LGR6: variants seen among roughly 807,000 people sequenced by gnomAD.
LGR6 encodes leucine-rich repeat-containing G protein-coupled receptor 6.
In LGR6, 45 loss-of-function variants were observed where a neutral mutation model predicts 69.4. That is an observed-to-expected ratio of 0.65 (90% CI 0.51 to 0.83). The LOEUF (loss-of-function observed/expected upper bound fraction) is 0.83. Among genes scored for constraint, LGR6 ranks in the 40% least tolerant of loss-of-function variants. LGR6 has a pLI of 0.00. For synonymous variants in LGR6, 538 were observed against 555.0 expected (o/e 0.97, Z 0.43); for missense variants, 1,108 against 1,246.7 (o/e 0.89, Z 1.68).
chr1:202,216,804 GGAAGGAGCCATT>G (rs1438529815), intron 1 of LGR6, among the ~76,000 whole-genome samples: 1 of 152,188 alleles, frequency 6.6e-6, no homozygotes, highest in East Asian at 1.9e-4. Flanking sequence ...TTGGCAAGGA[GGAAGGAGCCATT>G]GAAGGAGAAG....
chr1:202,261,245 C>G (rs747574079), intron 4 of LGR6, among the ~76,000 whole-genome samples: 12 of 132,412 alleles, frequency 9.1e-5, no homozygotes, highest in Non-Finnish European at 1.9e-4. Context: ...CCCCCCACCC[C>G]ACAACAGTCC....
At chr1:202,296,266 C>T (rs752477901) in intron 6 of LGR6, among the ~76,000 whole-genome samples, 37 of 152,056 alleles carry the variant, frequency 2.4e-4, no homozygotes, top group Non-Finnish European at 4.4e-4. Context: ...ACCCCAGGAC[C>T]CCAGAAACAG....
At chr1:202,303,144 T>G in intron 9 of LGR6, 135 bp from the exon 10 acceptor site, 1 of 720,456 alleles carries the variant, frequency 1.4e-6, no homozygotes, top group Non-Finnish European at 2.5e-6. Context: ...GTGGCTGACT[T>G]GAGGAAGATT....
intron 5 of LGR6, among the ~76,000 whole-genome samples, chr1:202,278,596 C>G (rs923759641): frequency 6.6e-6 from 1 of 152,054 alleles, no homozygotes; most frequent in Non-Finnish European, 1.5e-5. Context: ...AGAGAGGCTT[C>G]TAGCAGGAGG....
At chr1:202,242,898 G>C (rs546148017) in intron 4 of LGR6, among the ~76,000 whole-genome samples, 11 of 152,200 alleles carry the variant, frequency 7.2e-5, no homozygotes, top group Non-Finnish European at 1.2e-4. Context: ...CACTTGGCTA[G>C]CACTTTCCAT....
chr1:202,297,140 TATAAG>T (rs1318932530), intron 6 of LGR6, among the ~76,000 whole-genome samples: 4 of 152,172 alleles, frequency 2.6e-5, no homozygotes, highest in Non-Finnish European at 5.9e-5. Flanking sequence ...TAGTGCTGGT[TATAAG>T]ATGTTAACGA....
rs907967507 is a variant in LGR6 at position 202,193,829 on chromosome 1, A to ACCGTC, written c.-157_-153dup. 9 of 314,114 alleles carry ACCGTC rather than the reference A, an allele frequency of 2.9e-5. No homozygotes were observed. Among genetic ancestry groups the ACCGTC allele is most frequent in the Non-Finnish European group, 5.1e-5 (9 of 175,644 alleles). 19.5% of individuals were successfully genotyped at this position (314,114 alleles called of 1,614,324 possible). A position where few individuals can be genotyped will look rare whatever the true frequency, so the allele number is the denominator to read the frequency against. ...ACAATGCCTGCCCCTCTCTGACTGC[A>ACCGTC]CCGTCCCGGCGCTCCCACCGCCGCC... On this transcript the variant is annotated 5_prime_UTR_variant, in exon 1 of 18. Transcript: ENST00000367278.
At position 202,202,887 on chromosome 1, in the gene LGR6, C is replaced by T. The variant is rs140945899; in HGVS notation, c.212+8686C>T. ...GTGCTGGAGGAGGTGGGAGTGTCCCCGAGAGTGTCCAGACTGCATAAGGTG... is the reference window on the plus strand; with the variant it reads ...GTGCTGGAGGAGGTGGGAGTGTCCCTGAGAGTGTCCAGACTGCATAAGGTG... On this transcript the variant is annotated intron_variant, in intron 1 of 17. Coordinates refer to ENST00000367278, the MANE Select transcript of LGR6 (RefSeq NM_001017403.2). Among the ~76,000 whole-genome samples, 387 of 152,256 alleles carry T rather than the reference C, an allele frequency of 2.5e-3. 2 individuals are homozygous for T. The highest frequency in any genetic ancestry group is 7.8e-3 in the African/African-American group (324 of 41,562).
At chr1:202,251,942 G>A (rs1663290376) in intron 4 of LGR6, among the ~76,000 whole-genome samples, 1 of 152,044 alleles carries the variant, frequency 6.6e-6, no homozygotes, top group Non-Finnish European at 1.5e-5. Flanking sequence ...GGGGATGAGG[G>A]GGAGATTGGA....
chr1:202,240,375 GAAAA>G (rs1238580002), intron 4 of LGR6, among the ~76,000 whole-genome samples: 1 of 105,202 alleles, frequency 9.5e-6, no homozygotes, highest in East Asian at 3.1e-4. Context: ...CTCCATCTCA[GAAAA>G]AAAAAAAAAA....
At chr1:202,305,033 G>A (rs954204983) in intron 11 of LGR6, among the ~76,000 whole-genome samples, 6 of 152,134 alleles carry the variant, frequency 3.9e-5, no homozygotes, top group African/African-American at 1.2e-4. Context: ...GTCAAGGGGA[G>A]TTTTCCTCTC....
chr1:202,310,112 TG>T (rs1357947869), intron 15 of LGR6, 84 bp from the exon 16 acceptor site: 1 of 1,405,228 alleles, frequency 7.1e-7, no homozygotes, highest in African/African-American at 1.4e-5. Flanking sequence ...GCCCAGCCCC[TG>T]GGTTGCAGAT....
At chr1:202,221,105 C>T (rs1660125517) in intron 1 of LGR6, among the ~76,000 whole-genome samples, 2 of 152,032 alleles carry the variant, frequency 1.3e-5, no homozygotes, top group African/African-American at 2.4e-5. Context: ...TTTTCTCCAG[C>T]GGGGCAGGTG....
chr1:202,314,786 T>C lies in LGR6; in HGVS notation c.1568-16T>C, dbSNP rs376349999. ...CCAAGACCCAGGACCCTGCATCACTTTGTCTCTCCTTTCAGATGACCAGGA... is the reference window on the plus strand; with the variant it reads ...CCAAGACCCAGGACCCTGCATCACTCTGTCTCTCCTTTCAGATGACCAGGA... On this transcript the variant is annotated splice_polypyrimidine_tract_variant and intron_variant, in intron 16 of 17. Transcript: ENST00000367278. 31 of 1,606,928 alleles carry C rather than the reference T, an allele frequency of 1.9e-5. No homozygotes were observed. The African/African-American group carries it at 4.0e-4, about 21-fold the overall frequency.
chr1:202,294,848 AT>A (rs1413822897), intron 6 of LGR6, among the ~76,000 whole-genome samples: 1 of 152,214 alleles, frequency 6.6e-6, no homozygotes, highest in African/African-American at 2.4e-5. Context: ...ATGAGAGGAT[AT>A]GCTATTTTAG....
At chr1:202,197,081 A>C (rs369841359) in intron 1 of LGR6, 3 of 533,162 alleles carry the variant, frequency 5.6e-6, no homozygotes, top group Non-Finnish European at 1.2e-5. Context: ...ACAGAACTAT[A>C]GGAGGCGCCC....
chr1:202,318,087 C>G lies in LGR6; in HGVS notation c.1784C>G (p.Pro595Arg), dbSNP rs1558091533. The G allele has an allele frequency of 6.2e-7, 1 of 1,614,206 alleles. No homozygotes were observed. The highest frequency in any genetic ancestry group is 8.5e-7 in the Non-Finnish European group (1 of 1,180,026). ...TTCGCTGGCGGGCCTGTCCCCCTGCCCCCGGTCAAGTTTGTGGTAGGTGCG... is the reference window on the plus strand; with the variant it reads ...TTCGCTGGCGGGCCTGTCCCCCTGCGCCCGGTCAAGTTTGTGGTAGGTGCG... ...TVFAGGPVPL[P>R]PVKFVVGAIA... Residue 595 changes from proline to arginine, a missense_variant, in exon 18 of 18, where the codon CCC (proline) becomes CGC (arginine). By Grantham distance (103) the Pro-to-Arg change is moderately radical. Transcript: ENST00000367278.
chr1:202,316,345 C>T (rs1193383536), intron 17 of LGR6, among the ~76,000 whole-genome samples: 2 of 152,126 alleles, frequency 1.3e-5, no homozygotes, highest in African/African-American at 4.8e-5. Flanking sequence ...AAGCCAGACT[C>T]CCTTTAACAA....
chr1:202,239,019 A>C (rs887717872), intron 4 of LGR6, among the ~76,000 whole-genome samples: 4 of 152,062 alleles, frequency 2.6e-5, no homozygotes, highest in African/African-American at 9.7e-5. Context: ...CCAAGTGAGG[A>C]CGGGGCAGGG....
Sources: gnomAD v4.1 joint callset for allele counts (sites outside exome capture counted in the v4.1 genomes callset) on GRCh38, gnomAD v4.1.1 for gene constraint, MANE v1.5 for transcripts, NCBI Gene and HGNC (gene_info 2026-07-23, HGNC 2026-07-21) for gene names.